EIF4ENIF1: variants seen among roughly 807,000 people sequenced by gnomAD.
EIF4ENIF1 encodes eukaryotic translation initiation factor 4E nuclear import factor 1, also known as eukaryotic translation initiation factor 4E transporter.
EIF4ENIF1 carries 23 observed loss-of-function variants against 110.5 expected under a neutral mutation model. The ratio of observed to expected loss-of-function variants is 0.21; its 90% confidence interval spans 0.15 to 0.29. EIF4ENIF1 has a LOEUF of 0.29. Ranked by LOEUF, EIF4ENIF1 falls within the 10% of genes least tolerant of loss-of-function variation. EIF4ENIF1 has a pLI of 1.00. For missense variants in EIF4ENIF1, 1,031 were observed against 1,221.1 expected (o/e 0.84, Z 2.32); for synonymous variants, 440 against 437.0 (o/e 1.01, Z -0.09).
chr22:31,462,168 C>T (rs186335923), intron 6 of EIF4ENIF1, among the ~76,000 whole-genome samples: 5 of 152,244 alleles, frequency 3.3e-5, no homozygotes, highest in Admixed American at 2.0e-4. Context: ...GTATGATCTA[C>T]ACTTAGTGAA....
intron 2 of EIF4ENIF1, 90 bp downstream of exon 2, chr22:31,488,533 A>G: frequency 6.4e-7 from 1 of 1,550,428 alleles, no homozygotes; most frequent in Non-Finnish European, 8.8e-7. Context: ...TCAGAATGAG[A>G]TTACCACTTA....
intron 4 of EIF4ENIF1, among the ~76,000 whole-genome samples, chr22:31,467,907 C>T (rs2051244850): frequency 6.6e-6 from 1 of 152,168 alleles, no homozygotes; most frequent in Non-Finnish European, 1.5e-5. Flanking sequence ...ATGCTACCCA[C>T]CACATCTAAC....
chr22:31,463,750 A>T lies in EIF4ENIF1; in HGVS notation c.516T>A (p.Leu172=), dbSNP rs1490675635. The change falls in exon 5 of 19, where the codon CTT becomes CTA. Residue 172 remains leucine (L), a synonymous_variant. Transcript: ENST00000330125. ...SARTFEKDHR[L]SDKDLRDLRD... is the part of the protein sequence containing the mutation. ...TCAAGTCCCGCAGGTCCTTATCGCT[A>T]AGACGGTGATCCTTCTCAAAGGTCC... 3 of 1,613,656 alleles carry T rather than the reference A, an allele frequency of 1.9e-6. No homozygotes were observed. The highest frequency in any genetic ancestry group is 1.7e-6 in the Non-Finnish European group (2 of 1,179,982).
chr22:31,465,140 ATGGT>A (rs1454612098), intron 4 of EIF4ENIF1, among the ~76,000 whole-genome samples: 5 of 151,992 alleles, frequency 3.3e-5, no homozygotes, highest in African/African-American at 1.2e-4. Flanking sequence ...CCTGACCAAC[ATGGT>A]GAAACCTCGT....
At position 31,447,512 on chromosome 22, in the gene EIF4ENIF1, A is replaced by G; in HGVS notation, c.1902T>C (p.His634=). 1 of 1,613,032 alleles carries G rather than the reference A, an allele frequency of 6.2e-7. No homozygotes were observed. The highest frequency in any genetic ancestry group is 8.5e-7 in the Non-Finnish European group (1 of 1,179,542). The change falls in exon 14 of 19, where the codon CAT becomes CAC. Residue 634 remains histidine, a synonymous_variant. Coordinates refer to ENST00000330125, the MANE Select transcript of EIF4ENIF1 (RefSeq NM_019843.4). ...QAALEGLALP[H]DLAVQAANFY... is the part of the protein sequence containing the mutation. ...AGTTTGCTGCCTGTACAGCAAGGTC[A>G]TGTGGCAAGGCCAGCCCTTCTAAAG... is the stretch of plus-strand genomic sequence containing the variant.
chr22:31,445,148 TA>T (rs1294119991), intron 14 of EIF4ENIF1, among the ~76,000 whole-genome samples: 1 of 152,140 alleles, frequency 6.6e-6, no homozygotes, highest in Non-Finnish European at 1.5e-5. Context: ...AGAGCTGGTG[TA>T]TAGTTTACTG....
At position 31,451,655 on chromosome 22, in the gene EIF4ENIF1, T is replaced by A. The variant is rs536270292; in HGVS notation, c.1513-1295A>T. On this transcript the variant is annotated intron_variant, in intron 10 of 18. Transcript: ENST00000330125. ...TTCAAATCCTCCACTCTTAAAGCAG[T>A]AGTGGTTACTTTTTTTTTTTTTTTT... Among the ~76,000 whole-genome samples the A allele has an allele frequency of 2.0e-5, 3 of 151,728 alleles. No individual in the cohort carries two copies. In the South Asian group the frequency reaches 6.2e-4, roughly 32 times the overall value.
rs1365031184 is a variant in EIF4ENIF1, at chr22:31,441,861, G to A, written c.2464C>T (p.Pro822Ser). 6.2e-7 allele frequency: 1 copy of A among 1,614,148 alleles called. No individual in the cohort carries two copies. Among genetic ancestry groups the A allele is most frequent in the Admixed American group, 1.7e-5 (1 of 60,014 alleles). The change falls in exon 17 of 19, where the codon CCT (proline) becomes TCT (serine). Residue 822 changes from proline to serine, a missense_variant. By Grantham distance (74) the Pro-to-Ser change is moderately conservative. Coordinates refer to ENST00000330125, the MANE Select transcript of EIF4ENIF1 (RefSeq NM_019843.4). ...PLVPHVPMVR[P>S]AHQLHPGLVQ... is the part of the protein sequence containing the mutation. ...AACCCTGGGTGAAGCTGGTGAGCAG[G>A]CCTAACCATAGGGACATGGGGGACA...
chr22:31,455,719 C>T, intron 8 of EIF4ENIF1, 133 bp downstream of exon 8: 1 of 1,221,908 alleles, frequency 8.2e-7, no homozygotes, highest in Non-Finnish European at 1.1e-6. Flanking sequence ...ATTAAAAGGA[C>T]ACAAATTGAA....
At chr22:31,452,183 T>G (rs898116672) in intron 10 of EIF4ENIF1, among the ~76,000 whole-genome samples, 1 of 152,206 alleles carries the variant, frequency 6.6e-6, no homozygotes, top group African/African-American at 2.4e-5. Flanking sequence ...CCTAAATGGA[T>G]GGAGGCAGAT....
intron 2 of EIF4ENIF1, among the ~76,000 whole-genome samples, chr22:31,481,819 C>A (rs2051826334): frequency 6.6e-6 from 1 of 152,102 alleles, no homozygotes; most frequent in Non-Finnish European, 1.5e-5. Context: ...CCTTAAAGAT[C>A]CCTGGAGACA....
chr22:31,459,760 A>ATTTGTT (rs2050935007), intron 6 of EIF4ENIF1, among the ~76,000 whole-genome samples: 2 of 152,054 alleles, frequency 1.3e-5, no homozygotes, highest in African/African-American at 2.4e-5. Flanking sequence ...TAATGTTTTT[A>ATTTGTT]TTTATTTTAA....
intron 14 of EIF4ENIF1, among the ~76,000 whole-genome samples, chr22:31,445,462 T>A (rs1476673988): frequency 1.3e-5 from 2 of 152,188 alleles, no homozygotes; most frequent in Admixed American, 1.3e-4. Flanking sequence ...TAGTACCCCA[T>A]TGCTGCCATG....
chr22:31,488,162 A>C (rs1437955849), intron 2 of EIF4ENIF1, among the ~76,000 whole-genome samples: 2 of 152,154 alleles, frequency 1.3e-5, no homozygotes, highest in Non-Finnish European at 2.9e-5. Context: ...TTTGTAATAG[A>C]AAATAAAAAA....
chr22:31,480,332 G>A (rs1298414929), intron 2 of EIF4ENIF1, among the ~76,000 whole-genome samples: 4 of 152,194 alleles, frequency 2.6e-5, no homozygotes, highest in Admixed American at 2.6e-4. Flanking sequence ...AAGCCCAAAA[G>A]AACAATGGTT....
At chr22:31,450,719 GAC>G (rs10550760) in intron 10 of EIF4ENIF1, 156,867 of 245,742 alleles carry the variant, frequency 0.64, 47,225 homozygotes, top group African/African-American at 0.74. Context: ...ATTTATTGGA[GAC>G]ACACACACAC....
chr22:31,465,967 C>A (rs1031670788), intron 4 of EIF4ENIF1, among the ~76,000 whole-genome samples: 9 of 152,130 alleles, frequency 5.9e-5, no homozygotes, highest in African/African-American at 2.2e-4. Flanking sequence ...TCTATAGAAA[C>A]AGAAAGCAGA....
At chr22:31,444,767 C>A (rs1285891245) in intron 14 of EIF4ENIF1, 77 bp from the exon 15 acceptor site, 3 of 1,411,008 alleles carry the variant, frequency 2.1e-6, no homozygotes, top group South Asian at 2.3e-5. Flanking sequence ...TACTCAAGAC[C>A]AGCCTAGAAG....
intron 2 of EIF4ENIF1, among the ~76,000 whole-genome samples, chr22:31,473,335 GAGA>G (rs1450809568): frequency 6.6e-6 from 1 of 152,066 alleles, no homozygotes; most frequent in Non-Finnish European, 1.5e-5. Context: ...GACCCAAGTT[GAGA>G]AGAACTGCCA....
Sources: allele counts gnomAD v4.1 joint callset (sites outside exome capture counted in the v4.1 genomes callset), GRCh38; gene constraint gnomAD v4.1.1; transcripts MANE v1.5; gene names NCBI Gene and HGNC (gene_info 2026-07-23, HGNC 2026-07-21).